The following SPRTN variants were observed in gnomAD, a reference collection of about 807,000 sequenced individuals.
SPRTN encodes SprT-like N-terminal domain, also known as DNA-dependent metalloprotease SPRTN.
A neutral mutation model predicts 31.9 loss-of-function variants in SPRTN; 11 were observed. The observed-to-expected ratio is 0.34, with a 90% confidence interval of 0.22 to 0.57. The LOEUF (loss-of-function observed/expected upper bound fraction) is 0.57. Among genes scored for constraint, SPRTN ranks in the 20% least tolerant of loss-of-function variants. The probability of loss-of-function intolerance (pLI) is 0.86; values close to 1 mark genes in which losing one functional copy is unlikely to be tolerated. For missense variants in SPRTN, 482 were observed against 590.1 expected, an observed-to-expected ratio of 0.82 and a Z score of 1.90; for synonymous variants, 185 against 212.1, an observed-to-expected ratio of 0.87 and a Z score of 1.11.
At chr1:231,344,475 C>T (rs535856669) in intron 2 of SPRTN, 1 of 171,792 alleles carries the variant, frequency 5.8e-6, no homozygotes. Flanking sequence ...CCACTGCACT[C>T]CAGTCTGGGT....
chr1:231,349,865 A>T (rs1687169822), intron 3 of SPRTN, among the ~76,000 whole-genome samples: 1 of 152,122 alleles, frequency 6.6e-6, no homozygotes, highest in Non-Finnish European at 1.5e-5. Context: ...TTCAAAAATT[A>T]GCTAATCGTG....
chr1:231,348,616 T>G (rs1206768013), intron 3 of SPRTN, among the ~76,000 whole-genome samples: 1 of 152,280 alleles, frequency 6.6e-6, no homozygotes, highest in East Asian at 1.9e-4. Context: ...GTGTCCTGTC[T>G]CTTTAACTGC....
rs555325249 is a variant in SPRTN at position 231,349,637 on chromosome 1, T to C, written c.451-1667T>C. Among the ~76,000 whole-genome samples, 3 of 152,256 alleles carry C rather than the reference T, an allele frequency of 2.0e-5. No homozygotes were observed. The East Asian group carries it at 5.8e-4, about 29-fold the overall frequency. On this transcript the variant is annotated intron_variant, in intron 3 of 4. Transcript: ENST00000295050. ...TAAGGAACTCTGCAGGGTATCTACATTGTAGAGTAATTTTATTTTAGTGAC... is the reference window on the plus strand; with the variant it reads ...TAAGGAACTCTGCAGGGTATCTACACTGTAGAGTAATTTTATTTTAGTGAC...
chr1:231,347,845 G>A lies in SPRTN; in HGVS notation c.370G>A (p.Asp124Asn), dbSNP rs142934903. 56 of 1,613,504 alleles carry A rather than the reference G, an allele frequency of 3.5e-5. No homozygotes were observed. Among genetic ancestry groups the A allele is most frequent in the Non-Finnish European group, 4.2e-5 (49 of 1,179,924 alleles). The change falls in exon 3 of 5, where the codon GAC becomes AAC. Residue 124 changes from aspartate to asparagine, a missense_variant. This residue lies in a region of SPRTN where 157 missense variants were observed against 239.9 expected (regional missense o/e 0.65). Transcript: ENST00000295050. The part of the protein sequence containing the change: ...IHAYLFVTNN[D>N]KDREGHGPEF... ...TGCCTATTTATTTGTCACTAATAACGACAAAGACCGAGAAGGGCATGGTCC... is the reference window on the plus strand; with the variant it reads ...TGCCTATTTATTTGTCACTAATAACAACAAAGACCGAGAAGGGCATGGTCC...
At chr1:231,345,883 G>A (rs970877513) in intron 2 of SPRTN, among the ~76,000 whole-genome samples, 1 of 152,080 alleles carries the variant, frequency 6.6e-6, no homozygotes, top group Admixed American at 6.5e-5. Flanking sequence ...GGTAATCATA[G>A]CTCACTGCAA....
In SPRTN at chr1:231,351,383, C is replaced by G. The variant is rs535473768; in HGVS notation, c.530C>G (p.Pro177Arg). Reference sequence around the variant, plus strand: ...TGCAATGGGCCGTGCCAGCACAGGCCACCGTATTACGGCTATGTCAAACGA... The same window carrying G: ...TGCAATGGGCCGTGCCAGCACAGGCGACCGTATTACGGCTATGTCAAACGA... Reference protein sequence around the residue: ...WRCNGPCQHRPPYYGYVKRAT... With the variant: ...WRCNGPCQHRRPYYGYVKRAT... Residue 177 changes from proline to arginine, a missense_variant, in exon 4 of 5, where the codon CCA (proline) becomes CGA (arginine). Transcript: ENST00000295050. 2.5e-6 allele frequency: 4 copies of G among 1,614,044 alleles called. No individual in the cohort carries two copies. In the South Asian group the frequency reaches 4.4e-5, roughly 18 times the overall value.
chr1:231,348,132 C>A (rs145745024), intron 3 of SPRTN, among the ~76,000 whole-genome samples: 3 of 152,316 alleles, frequency 2.0e-5, no homozygotes, highest in African/African-American at 7.2e-5. Context: ...GGCCTCTGAC[C>A]TCTTCTGAGT....
intron 4 of SPRTN, chr1:231,352,112 T>C (rs1687256494): frequency 1.0e-6 from 1 of 989,506 alleles, no homozygotes; most frequent in South Asian, 4.6e-5. Flanking sequence ...ATTTACCCTT[T>C]TCCTGTGAAG....
intron 3 of SPRTN, among the ~76,000 whole-genome samples, chr1:231,350,925 T>C (rs1687206740): frequency 2.0e-5 from 3 of 152,140 alleles, no homozygotes; most frequent in Admixed American, 6.5e-5. Context: ...ATGATTCTTA[T>C]TTTAGTATGG....
In SPRTN at chr1:231,354,678, T is replaced by C. The variant is rs1172877629; in HGVS notation, c.*1317T>C. ...AGCAGGAGTTCATTTTCATTGCTCTTGCATTTGTATGAATATACTAGAATT... is the reference window on the plus strand; with the variant it reads ...AGCAGGAGTTCATTTTCATTGCTCTCGCATTTGTATGAATATACTAGAATT... On this transcript the variant is annotated 3_prime_UTR_variant, in exon 5 of 5. Transcript: ENST00000295050. 4 of 152,494 alleles carry C rather than the reference T, an allele frequency of 2.6e-5. No individual in the cohort carries two copies. Among genetic ancestry groups the C allele is most frequent in the Admixed American group, 2.6e-4 (4 of 15,286 alleles). 9.4% of individuals were successfully genotyped at this position (152,494 alleles called of 1,614,324 possible).
In SPRTN at chr1:231,351,468, T is replaced by C. The variant is rs1052944358; in HGVS notation, c.615T>C (p.Cys205=). 1.9e-6 allele frequency: 3 copies of C among 1,614,062 alleles called. No individual in the cohort carries two copies. The East Asian group carries it at 6.7e-5, about 36-fold the overall frequency. The change falls in exon 4 of 5, where the codon TGT becomes TGC. Residue 205 remains cysteine (C), a synonymous_variant. Transcript: ENST00000295050. ...DYWWAEHQKT[C]GGTYIKIKEP... is the part of the protein sequence containing the mutation. ...GGTGGGCTGAGCACCAGAAAACCTG[T>C]GGAGGCACTTACATAAAAATCAAGG...
chr1:231,354,897 G>A lies in SPRTN; in HGVS notation c.*1536G>A, dbSNP rs2102878536. On this transcript the variant is annotated 3_prime_UTR_variant, in exon 5 of 5. Coordinates refer to ENST00000295050, the MANE Select transcript of SPRTN (RefSeq NM_032018.7). Reference sequence around the variant, plus strand: ...TTACACTCCTACCAGCAATGTATGAGAGTTTTAGTTGTTCACCATTCATAA... The same window carrying A: ...TTACACTCCTACCAGCAATGTATGAAAGTTTTAGTTGTTCACCATTCATAA... 1 of 531,988 alleles carries A rather than the reference G, an allele frequency of 1.9e-6. No homozygotes were observed. Among genetic ancestry groups the A allele is most frequent in the South Asian group, 8.4e-5 (1 of 11,962 alleles). The allele number at this position is 531,988 out of a possible 1,614,324, so 33.0% of individuals were successfully genotyped here.
At chr1:231,351,054 C>T (rs528900908) in intron 3 of SPRTN, among the ~76,000 whole-genome samples, 10 of 151,990 alleles carry the variant, frequency 6.6e-5, no homozygotes, top group African/African-American at 2.4e-4. Context: ...TTTTTGTCCT[C>T]TAATCCCATG....
chr1:231,352,553 C>G, intron 4 of SPRTN, 57 bp from the exon 5 acceptor site: 1 of 1,521,512 alleles, frequency 6.6e-7, no homozygotes, highest in East Asian at 2.3e-5. Flanking sequence ...ATGTTTGTTA[C>G]TGTATTTCTT....
At chr1:231,339,561 T>C (rs2102859456) in intron 1 of SPRTN, 1 of 743,438 alleles carries the variant, frequency 1.3e-6, no homozygotes, top group Admixed American at 2.1e-5. Context: ...TTTCCTTCCT[T>C]GCCCGGCGGG....
At chr1:231,351,829 CT>C (rs1687248440) in intron 4 of SPRTN, 3 of 1,093,660 alleles carry the variant, frequency 2.7e-6, no homozygotes, top group Admixed American at 5.1e-5. Flanking sequence ...TTTTCAGTTT[CT>C]TTTTATTCAA....
At position 231,354,486 on chromosome 1, in the gene SPRTN, C is replaced by T. The variant is rs764594963; in HGVS notation, c.*1125C>T. The T allele has an allele frequency of 1.0e-5, 7 of 689,038 alleles. No homozygotes were observed. Among genetic ancestry groups the T allele is most frequent in the African/African-American group, 7.8e-5 (4 of 51,476 alleles). 42.7% of individuals were successfully genotyped at this position (689,038 alleles called of 1,614,324 possible). ...AGTGTTCACCTGTGTAACTACCACC[C>T]GGATCAAGTTAGAGAACACTTCCAT... On this transcript the variant is annotated 3_prime_UTR_variant, in exon 5 of 5. Coordinates refer to ENST00000295050, the MANE Select transcript of SPRTN (RefSeq NM_032018.7).
At position 231,338,447 on chromosome 1, in the gene SPRTN, C is replaced by T; in HGVS notation, c.64C>T (p.Arg22Cys). 1.2e-6 allele frequency: 2 copies of T among 1,614,260 alleles called. No individual in the cohort carries two copies. Among genetic ancestry groups the T allele is most frequent in the Middle Eastern group, 1.6e-4 (1 of 6,062 alleles). ...QEEWNLQEAERDHAQESLSLV... is the reference protein window; with the variant it reads ...QEEWNLQEAECDHAQESLSLV... ...GGAGTGGAACTTGCAGGAGGCGGAG[C>T]GCGATCATGCCCAGGAGTCCCTGTC... is the stretch of plus-strand genomic sequence containing the variant. Residue 22 changes from arginine to cysteine, a missense_variant, in exon 1 of 5, where the codon CGC becomes TGC. By Grantham distance (180) the Arg-to-Cys change is radical (BLOSUM62 -3). This residue lies in a region of SPRTN where 157 missense variants were observed against 239.9 expected (regional missense o/e 0.65). Coordinates refer to ENST00000295050, the MANE Select transcript of SPRTN (RefSeq NM_032018.7).
intron 3 of SPRTN, among the ~76,000 whole-genome samples, chr1:231,350,267 G>A (rs112495622): frequency 2.6e-5 from 4 of 152,276 alleles, no homozygotes; most frequent in African/African-American, 9.6e-5. Flanking sequence ...CCCACAAGGG[G>A]AATTTATTAG....
Sources: gnomAD v4.1 joint callset for allele counts (sites outside exome capture counted in the v4.1 genomes callset) on GRCh38, gnomAD v4.1.1 for gene constraint, gnomAD v4.1.1 regional missense constraint, MANE v1.5 for transcripts, NCBI Gene and HGNC (gene_info 2026-07-23, HGNC 2026-07-21) for gene names.